MYOM2: variants seen among roughly 807,000 people sequenced by gnomAD.
MYOM2 encodes myomesin-2.
A neutral mutation model predicts 187.6 loss-of-function variants in MYOM2; 254 were observed. That is an observed-to-expected ratio of 1.35 (90% CI 1.22 to 1.50). The LOEUF is 1.50. Ranked by LOEUF, MYOM2 falls within the 40% of genes most tolerant of loss-of-function variation. The pLI is 0.00. For missense variants in MYOM2, 2,796 were observed against 1,924.0 expected (o/e 1.45, Z -8.48); for synonymous variants, 981 against 753.8 (o/e 1.30, Z -4.94).
chr8:2,055,781 C>T (rs1406912779), intron 3 of MYOM2, among the ~76,000 whole-genome samples: 1 of 152,182 alleles, frequency 6.6e-6, no homozygotes, highest in Non-Finnish European at 1.5e-5. Flanking sequence ...CTCGGACAGG[C>T]CTTACCGCCA....
At chr8:2,086,286 G>A (rs1796041829) in intron 14 of MYOM2, among the ~76,000 whole-genome samples, 1 of 146,486 alleles carries the variant, frequency 6.8e-6, no homozygotes, top group Non-Finnish European at 1.5e-5. Flanking sequence ...GCACCCCACT[G>A]TCGTGATCTC....
At chr8:2,076,568 C>T (rs1002218309) in intron 11 of MYOM2, 1 of 392,668 alleles carries the variant, frequency 2.5e-6, no homozygotes, top group African/African-American at 2.1e-5. Context: ...CAGGCTCACT[C>T]TGAGCCCCGC....
Position 2,046,423 on chromosome 8 carries a change from C to G in MYOM2, c.-13+1255C>G, listed in dbSNP as rs780649345. On this transcript the variant is annotated intron_variant, in intron 1 of 36. Coordinates refer to ENST00000262113, the MANE Select transcript of MYOM2 (RefSeq NM_003970.4). ...GGGCTGTGGTGGAAAGTGGGCTGGA[C>G]GCTGTCAGGAGAGTCAGCTGGCGCC... Among the ~76,000 whole-genome samples, 112 of 152,244 alleles carry G rather than the reference C, an allele frequency of 7.4e-4. 1 individual carries two copies. The highest frequency in any genetic ancestry group is 1.3e-3 in the Non-Finnish European group (91 of 68,030).
At chr8:2,139,876 G>A (rs1391759342) in intron 32 of MYOM2, among the ~76,000 whole-genome samples, 1 of 152,186 alleles carries the variant, frequency 6.6e-6, no homozygotes, top group Admixed American at 6.5e-5. Context: ...GAATGTATGA[G>A]CACCTTGTTT....
chr8:2,124,729 T>C (rs1291761647), intron 31 of MYOM2, among the ~76,000 whole-genome samples: 3 of 152,182 alleles, frequency 2.0e-5, no homozygotes, highest in Non-Finnish European at 4.4e-5. Flanking sequence ...CATGCACAAG[T>C]GTTCCTTTCT....
intron 15 of MYOM2, among the ~76,000 whole-genome samples, chr8:2,091,567 C>G (rs1796303148): frequency 6.6e-6 from 1 of 152,214 alleles, no homozygotes; most frequent in African/African-American, 2.4e-5. Flanking sequence ...CCTCCACCCT[C>G]TCTCTGTCGT....
chr8:2,109,312 T>G, intron 24 of MYOM2, 83 bp from the exon 25 acceptor site: 3 of 1,404,930 alleles, frequency 2.1e-6, no homozygotes, highest in Non-Finnish European at 2.9e-6. Context: ...ATAACTAGGA[T>G]TGATATTTCC....
rs774710010 is a variant in MYOM2 at position 2,073,363 on chromosome 8, G to A, written c.983G>A (p.Trp328Ter). The A allele has an allele frequency of 2.5e-6, 4 of 1,611,994 alleles. No homozygotes were observed. Among genetic ancestry groups the A allele is most frequent in the East Asian group, 2.2e-5 (1 of 44,840 alleles). ...RDDVLLKESK[W>*]TKMFFGEGQA... Reference sequence around the variant, plus strand: ...GACGTGCTGTTGAAAGAGTCCAAGTGGACGAAGATGTTCTTTGGAGAAGGC... The same window carrying A: ...GACGTGCTGTTGAAAGAGTCCAAGTAGACGAAGATGTTCTTTGGAGAAGGC... The change falls in exon 10 of 37, where the codon TGG becomes TAG. Residue 328 changes from tryptophan to a stop codon, truncating the protein, a stop_gained. Transcript: ENST00000262113. LOFTEE classifies it high-confidence loss of function.
intron 10 of MYOM2, among the ~76,000 whole-genome samples, chr8:2,074,683 G>A (rs1819354412): frequency 6.6e-6 from 1 of 152,102 alleles, no homozygotes; most frequent in African/African-American, 2.4e-5. Flanking sequence ...TCGAACTCTT[G>A]ATCATAAGTG....
rs979369367 is a variant in MYOM2, at chr8:2,109,287, A to G, written c.3044-108A>G. Reference sequence around the variant, plus strand: ...ATAATCTAATACTCCAGGGTTTCACATTCTCAAAAATCTAATAACTAGGAT... The same window carrying G: ...ATAATCTAATACTCCAGGGTTTCACGTTCTCAAAAATCTAATAACTAGGAT... On this transcript the variant is annotated intron_variant, in intron 24 of 36. Transcript: ENST00000262113. 1.6e-5 allele frequency: 21 copies of G among 1,288,270 alleles called. No homozygotes were observed. The South Asian group carries it at 1.7e-4, about 10-fold the overall frequency. The allele number at this position is 1,288,270 out of a possible 1,614,324, so 79.8% of individuals were successfully genotyped here.
At chr8:2,098,104 T>G (rs1425117369) in intron 18 of MYOM2, 2 of 152,254 alleles carry the variant, frequency 1.3e-5, no homozygotes, top group African/African-American at 4.8e-5. Flanking sequence ...CCGAGATTCC[T>G]GAGAAAAGTA....
Position 2,057,445 on chromosome 8 carries a change from C to T in MYOM2, c.361C>T (p.Gln121Ter). ...GGAGGATGTCCACCTGGCACGCTCC[C>T]AGGCCCGCGACAAGCTGGACAAATA... ...LEEDVHLARSQARDKLDKYAI... is the reference protein window; with the variant it reads ...LEEDVHLARS Residue 121 changes from glutamine (Q) to a stop codon, truncating the protein, a stop_gained, in exon 4 of 37, where the codon CAG becomes TAG. Coordinates refer to ENST00000262113, the MANE Select transcript of MYOM2 (RefSeq NM_003970.4). LOFTEE classifies it high-confidence loss of function. The T allele has an allele frequency of 6.2e-7, 1 of 1,614,022 alleles. No individual in the cohort carries two copies. The highest frequency in any genetic ancestry group is 8.5e-7 in the Non-Finnish European group (1 of 1,179,984).
Position 2,059,232 on chromosome 8 carries a change from CT to C in MYOM2, c.641del (p.Leu214ArgfsTer33), listed in dbSNP as rs1563419027. On this transcript the variant is annotated frameshift_variant, in exon 6 of 37. Coordinates refer to ENST00000262113, the MANE Select transcript of MYOM2 (RefSeq NM_003970.4). LOFTEE classifies it high-confidence loss of function. ...RIESNYGVHT[L>X]EINRADFDDT... ...TGAGAGCAACTATGGCGTACACACA[CT>C]GGAGATCAACAGGTATGGCTGTGGT... 1 of 1,614,114 alleles carries C rather than the reference CT, an allele frequency of 6.2e-7. No individual in the cohort carries two copies. The highest frequency in any genetic ancestry group is 1.7e-5 in the Admixed American group (1 of 60,032).
At chr8:2,100,631 A>G (rs1240149627) in intron 19 of MYOM2, 3 of 498,492 alleles carry the variant, frequency 6.0e-6, no homozygotes, top group South Asian at 3.2e-5. Context: ...TGCAGTGTGG[A>G]CTTCTGAATG....
intron 11 of MYOM2, 62 bp from the exon 12 acceptor site, chr8:2,078,672 T>G (rs1276762939): frequency 1.4e-6 from 2 of 1,433,496 alleles, no homozygotes; most frequent in Admixed American, 1.7e-5. Flanking sequence ...CATATACCTA[T>G]GTATATTTAG....
chr8:2,120,730 ACTGT>A (rs201337173), intron 28 of MYOM2, among the ~76,000 whole-genome samples: 2,130 of 123,034 alleles, frequency 0.017, 30 homozygotes, highest in Middle Eastern at 0.035. Flanking sequence ...CTAATTGCTT[ACTGT>A]CTCTTAAATC....
chr8:2,100,577 C>T (rs3779841), intron 19 of MYOM2: 52,058 of 373,308 alleles, frequency 0.14, 6,458 homozygotes, highest in African/African-American at 0.42. Flanking sequence ...TGTCCTTTCC[C>T]GCACACCGTT....
intron 23 of MYOM2, among the ~76,000 whole-genome samples, chr8:2,106,886 G>C (rs1165609778): frequency 6.6e-6 from 1 of 152,112 alleles, no homozygotes; most frequent in South Asian, 2.1e-4. Context: ...GGTATGCAGA[G>C]GGTAACATAT....
intron 32 of MYOM2, among the ~76,000 whole-genome samples, chr8:2,139,993 C>T (rs1016600885): frequency 2.6e-5 from 4 of 152,118 alleles, no homozygotes; most frequent in Non-Finnish European, 4.4e-5. Flanking sequence ...TTCACATCAT[C>T]GTGCAGGCAC....
Sources: allele counts gnomAD v4.1 joint callset (sites outside exome capture counted in the v4.1 genomes callset), GRCh38; gene constraint gnomAD v4.1.1; transcripts MANE v1.5; gene names NCBI Gene and HGNC (gene_info 2026-07-23, HGNC 2026-07-21).